Variants in BTC observed in about 807,000 individuals in gnomAD.
BTC encodes betacellulin, also known as probetacellulin.
Under a neutral mutation model 18.1 loss-of-function variants are expected in BTC, and 13 were observed. The ratio of observed to expected loss-of-function variants is 0.72; its 90% CI spans 0.47 to 1.14. The LOEUF (loss-of-function observed/expected upper bound fraction) is 1.14. Ranked by LOEUF, BTC falls within the 50% of genes most tolerant of loss-of-function variation. BTC has a pLI of 0.00. For missense variants in BTC, 247 were observed against 224.2 expected (o/e 1.10, Z -0.65); for synonymous variants, 83 against 79.4 (o/e 1.05, Z -0.24).
At chr4:74,784,491 TTG>T (rs1157477205) in intron 1 of BTC, among the ~76,000 whole-genome samples, 2 of 152,206 alleles carry the variant, frequency 1.3e-5, no homozygotes, top group Non-Finnish European at 2.9e-5. Context: ...GATGGCATCC[TTG>T]TCTTTTGCTG....
intron 1 of BTC, among the ~76,000 whole-genome samples, chr4:74,784,781 G>T (rs1725436241): frequency 1.3e-5 from 2 of 152,164 alleles, no homozygotes; most frequent in African/African-American, 2.4e-5. Context: ...AAGCCAACTT[G>T]GTCGTGGTGG....
intron 1 of BTC, among the ~76,000 whole-genome samples, chr4:74,791,041 C>G (rs1326938621): frequency 6.6e-6 from 1 of 152,206 alleles, no homozygotes; most frequent in Non-Finnish European, 1.5e-5. Context: ...TGTCCTATCT[C>G]TCCCTAGACA....
intron 1 of BTC, among the ~76,000 whole-genome samples, chr4:74,785,612 A>C (rs60126902): frequency 6.6e-6 from 1 of 152,082 alleles, no homozygotes; most frequent in Non-Finnish European, 1.5e-5. Flanking sequence ...AATTTCCTGC[A>C]GTGTCTTTTT....
At position 74,794,301 on chromosome 4, in the gene BTC, C is replaced by T. The variant is rs1277163379; in HGVS notation, c.25G>A (p.Gly9Ser). The change falls in exon 1 of 6, where the codon GGC becomes AGC. Residue 9 changes from glycine to serine, a missense_variant. Coordinates refer to ENST00000395743, the MANE Select transcript of BTC (RefSeq NM_001729.4). MDRAARCS[G>S]ASSLPLLLAL... ...AGGAGCAGTGGCAGGGAGCTGGCGC[C>T]GCTGCACCGGGCGGCCCGGTCCATC... 2 of 1,548,668 alleles carry T rather than the reference C, an allele frequency of 1.3e-6. No individual in the cohort carries two copies. Among genetic ancestry groups the T allele is most frequent in the East Asian group, 4.9e-5 (2 of 40,842 alleles).
intron 2 of BTC, among the ~76,000 whole-genome samples, chr4:74,757,610 C>T (rs1560712092): frequency 1.3e-5 from 2 of 151,764 alleles, no homozygotes; most frequent in South Asian, 2.1e-4. Flanking sequence ...TAGAAAACAT[C>T]GAAGAAATAA....
intron 1 of BTC, among the ~76,000 whole-genome samples, chr4:74,780,449 C>A (rs1258177254): frequency 2.0e-5 from 3 of 152,100 alleles, no homozygotes; most frequent in African/African-American, 7.2e-5. Context: ...ACCAAACTTA[C>A]AATCACTCTT....
chr4:74,777,783 A>G (rs575992189), intron 1 of BTC, among the ~76,000 whole-genome samples: 70 of 151,332 alleles, frequency 4.6e-4, no homozygotes, highest in African/African-American at 1.7e-3. Context: ...ATTCAATAAT[A>G]CAAATATAGC....
chr4:74,770,842 A>C (rs1725018319), intron 1 of BTC, among the ~76,000 whole-genome samples: 2 of 152,070 alleles, frequency 1.3e-5, no homozygotes, highest in South Asian at 4.2e-4. Flanking sequence ...TAATATTAAA[A>C]AATTGTTATA....
intron 1 of BTC, among the ~76,000 whole-genome samples, chr4:74,792,480 GC>G (rs1039118488): frequency 2.0e-5 from 3 of 151,928 alleles, no homozygotes; most frequent in African/African-American, 4.8e-5. Flanking sequence ...GCCCACAGGC[GC>G]CCCCCCTTCC....
chr4:74,789,914 C>T (rs190015745), intron 1 of BTC, among the ~76,000 whole-genome samples: 18 of 152,246 alleles, frequency 1.2e-4, no homozygotes, highest in African/African-American at 2.2e-4. Context: ...TAGGCAAGTG[C>T]AGTAAAGCTC....
rs1725720952 is a variant in BTC at position 74,794,483 on chromosome 4, AG to A, written c.-159del. 9.5e-6 allele frequency: 8 copies of A among 839,434 alleles called. No individual in the cohort carries two copies. Among genetic ancestry groups the A allele is most frequent in the Non-Finnish European group, 1.4e-5 (8 of 565,038 alleles). The allele number at this position is 839,434 out of a possible 1,614,324, so 52.0% of individuals were successfully genotyped here. A position where few individuals can be genotyped will look rare whatever the true frequency, so the allele number is the denominator to read the frequency against. On this transcript the variant is annotated 5_prime_UTR_variant, in exon 1 of 6. Transcript: ENST00000395743. ...CAGGCTGGCACCCTGGCTACAAGGC[AG>A]GGAAACACCCAGGGCGGGAGGCCGG... is the stretch of plus-strand genomic sequence containing the variant.
chr4:74,749,409 A>G (rs1205397703), intron 4 of BTC, among the ~76,000 whole-genome samples: 1 of 151,888 alleles, frequency 6.6e-6, no homozygotes, highest in East Asian at 1.9e-4. Flanking sequence ...CAGTGAGCCA[A>G]GATCACGCCG....
chr4:74,758,048 A>G (rs1204636808), intron 2 of BTC, among the ~76,000 whole-genome samples: 1 of 152,210 alleles, frequency 6.6e-6, no homozygotes, highest in Non-Finnish European at 1.5e-5. Context: ...TGACCTAATC[A>G]AAGAGAAATG....
At chr4:74,784,358 A>G (rs1725421144) in intron 1 of BTC, among the ~76,000 whole-genome samples, 1 of 152,116 alleles carries the variant, frequency 6.6e-6, no homozygotes, top group Non-Finnish European at 1.5e-5. Context: ...TTTTCTACAT[A>G]TAGGATCCTG....
intron 1 of BTC, among the ~76,000 whole-genome samples, chr4:74,771,040 A>G (rs751759565): frequency 6.6e-5 from 10 of 151,982 alleles, no homozygotes; most frequent in Non-Finnish European, 7.4e-5. Context: ...AAAGGCATGG[A>G]TGAAATAAGG....
chr4:74,761,526 G>T (rs1264871763), intron 2 of BTC, among the ~76,000 whole-genome samples: 1 of 152,070 alleles, frequency 6.6e-6, no homozygotes, highest in Admixed American at 6.5e-5. Flanking sequence ...TATCTAACTG[G>T]CATTTCAACT....
rs146554280 is a variant in BTC at position 74,773,774 on chromosome 4, G to C, written c.65-3618C>G. Among the ~76,000 whole-genome samples the C allele has an allele frequency of 3.3e-3, 502 of 152,046 alleles. 2 individuals carry two copies. Among genetic ancestry groups the C allele is most frequent in the African/African-American group, 0.011 (471 of 41,468 alleles). Reference sequence around the variant, plus strand: ...TTATAGGTGCCTGCCACCATGCCTGGCTAATTTTTGTATTTTTAGTAGAGA... The same window carrying C: ...TTATAGGTGCCTGCCACCATGCCTGCCTAATTTTTGTATTTTTAGTAGAGA... On this transcript the variant is annotated intron_variant, in intron 1 of 5. Coordinates refer to ENST00000395743, the MANE Select transcript of BTC (RefSeq NM_001729.4).
intron 2 of BTC, among the ~76,000 whole-genome samples, chr4:74,758,689 C>G (rs1396698660): frequency 3.3e-5 from 5 of 152,168 alleles, no homozygotes; most frequent in Admixed American, 3.3e-4. Context: ...CCAGCAGCTG[C>G]TGAATGCAGT....
intron 1 of BTC, among the ~76,000 whole-genome samples, chr4:74,788,345 C>T (rs1400253664): frequency 6.6e-6 from 1 of 152,148 alleles, no homozygotes; most frequent in Non-Finnish European, 1.5e-5. Context: ...TTCACCACTA[C>T]CAAGGAAGAA....
Sources: allele counts gnomAD v4.1 joint callset (sites outside exome capture counted in the v4.1 genomes callset), GRCh38; gene constraint gnomAD v4.1.1; transcripts MANE v1.5; gene names NCBI Gene and HGNC (gene_info 2026-07-23, HGNC 2026-07-21).